The following CAMSAP1 variants were observed in gnomAD, a reference collection of about 807,000 sequenced individuals.
The protein encoded by CAMSAP1 is calmodulin-regulated spectrin-associated protein 1.
A neutral mutation model predicts 143.5 loss-of-function variants in CAMSAP1; 58 were observed. The ratio of observed to expected loss-of-function variants is 0.40; its 90% CI spans 0.33 to 0.50. The LOEUF is 0.50. Among genes scored for constraint, CAMSAP1 ranks in the 20% least tolerant of loss-of-function variants. The pLI is 0.45. For missense variants in CAMSAP1, 1,969 were observed against 2,115.7 expected, an observed-to-expected ratio of 0.93 and a Z score of 1.36; for synonymous variants, 945 against 859.3, an observed-to-expected ratio of 1.10 and a Z score of -1.74.
At chr9:135,900,082 G>C (rs1028886083) in intron 1 of CAMSAP1, among the ~76,000 whole-genome samples, 3 of 152,320 alleles carry the variant, frequency 2.0e-5, no homozygotes, top group African/African-American at 7.2e-5. Flanking sequence ...CCGAAGTGCA[G>C]TGTCACAATT....
Position 135,810,988 on chromosome 9 carries a change from T to C in CAMSAP1, c.*321A>G, listed in dbSNP as rs1452737335. On this transcript the variant is annotated 3_prime_UTR_variant, in exon 17 of 17. Coordinates refer to ENST00000389532, the MANE Select transcript of CAMSAP1 (RefSeq NM_015447.4). ...GAGAACTTCAAGTAAGGGAGCTCCG[T>C]GGCCCGGGACCTGGCTGTGAACACC... 1.3e-5 allele frequency: 5 copies of C among 370,740 alleles called. No homozygotes were observed. The Admixed American group carries it at 2.2e-4, about 16-fold the overall frequency. The allele number at this position is 370,740 out of a possible 1,614,324, so 23.0% of individuals were successfully genotyped here. A position where few individuals can be genotyped will look rare whatever the true frequency, so the allele number is the denominator to read the frequency against.
intron 1 of CAMSAP1, among the ~76,000 whole-genome samples, chr9:135,885,975 A>G (rs983811122): frequency 1.3e-5 from 2 of 152,168 alleles, no homozygotes; most frequent in Non-Finnish European, 2.9e-5. Flanking sequence ...TCCATGAGTA[A>G]CTGGCTTCAG....
intron 1 of CAMSAP1, 55 bp downstream of exon 1, chr9:135,906,945 C>T (rs1838802185): frequency 4.2e-6 from 4 of 950,992 alleles, no homozygotes; most frequent in Non-Finnish European, 5.0e-6. Context: ...CGGCCGCGTC[C>T]CCCGGCCCCG....
chr9:135,863,049 T>C (rs1023687383), intron 4 of CAMSAP1, among the ~76,000 whole-genome samples: 16 of 152,220 alleles, frequency 1.1e-4, no homozygotes, highest in African/African-American at 3.6e-4. Flanking sequence ...GTAATATCAC[T>C]AGCCTCAGTC....
chr9:135,833,078 C>A (rs910144448), intron 7 of CAMSAP1, among the ~76,000 whole-genome samples: 1 of 96,524 alleles, frequency 1.0e-5, no homozygotes, highest in Non-Finnish European at 2.0e-5. Context: ...CCACAGTAAT[C>A]TTTTTTTTTT....
intron 5 of CAMSAP1, among the ~76,000 whole-genome samples, chr9:135,856,010 C>T (rs1163762390): frequency 1.3e-5 from 2 of 151,964 alleles, no homozygotes; most frequent in Non-Finnish European, 2.9e-5. Flanking sequence ...CGAGATCGTA[C>T]CACTGCACTC....
At chr9:135,813,587 C>T (rs531781029) in intron 16 of CAMSAP1, among the ~76,000 whole-genome samples, 21 of 152,326 alleles carry the variant, frequency 1.4e-4, no homozygotes, top group East Asian at 7.7e-4. Flanking sequence ...GATAAGGAAG[C>T]GTGTGGTGCC....
intron 1 of CAMSAP1, among the ~76,000 whole-genome samples, chr9:135,892,848 C>CATAAAAAAAAAAAAA (rs1750776089): frequency 2.4e-5 from 1 of 42,078 alleles, no homozygotes; most frequent in Admixed American, 3.3e-4. Flanking sequence ...AAGACTGTCT[C>CATAAAAAAAAAAAAA]AAAAAAAAAA....
chr9:135,815,963 T>G lies in CAMSAP1; in HGVS notation c.4314A>C (p.Pro1438=). 6.2e-7 allele frequency: 1 copy of G among 1,613,816 alleles called. No homozygotes were observed. The highest frequency in any genetic ancestry group is 8.5e-7 in the Non-Finnish European group (1 of 1,179,880). Reference sequence around the variant, plus strand: ...CCCAGTCTCGGTCTGTGCTCCTGCTTGGGTTACGGCTCAGTATGGGCAGGG... The same window carrying G: ...CCCAGTCTCGGTCTGTGCTCCTGCTGGGGTTACGGCTCAGTATGGGCAGGG... ...MEALPILSRN[P]SRSTDRDWET... is the part of the protein sequence containing the mutation. Residue 1438 remains proline (P), a synonymous_variant, in exon 15 of 17, where the codon CCA becomes CCC. Coordinates refer to ENST00000389532, the MANE Select transcript of CAMSAP1 (RefSeq NM_015447.4).
At chr9:135,862,385 T>A (rs1215212742) in intron 5 of CAMSAP1, 82 bp downstream of exon 5, 50 of 1,317,862 alleles carry the variant, frequency 3.8e-5, no homozygotes, top group Non-Finnish European at 4.7e-5. Context: ...TTTTTTTTTT[T>A]AATATATATG....
Position 135,818,793 on chromosome 9 carries a change from C to A in CAMSAP1, c.3960-177G>T. 1 of 1,061,416 alleles carries A rather than the reference C, an allele frequency of 9.4e-7. No individual in the cohort carries two copies. Among genetic ancestry groups the A allele is most frequent in the Non-Finnish European group, 1.3e-6 (1 of 750,326 alleles). The allele number at this position is 1,061,416 out of a possible 1,614,324, so 65.7% of individuals were successfully genotyped here. A position where few individuals can be genotyped will look rare whatever the true frequency, so the allele number is the denominator to read the frequency against. ...CAAAGGCAGTCCTGCAGATGACCCA[C>A]CGAGGCCACACAGCCTCCCTGGCCA... On this transcript the variant is annotated intron_variant, in intron 12 of 16. Coordinates refer to ENST00000389532, the MANE Select transcript of CAMSAP1 (RefSeq NM_015447.4). This position sits in a 1 kb window ranked among gnomAD's most constrained non-coding sequence, Gnocchi z 7.7.
intron 1 of CAMSAP1, among the ~76,000 whole-genome samples, chr9:135,892,743 C>T (rs541542801): frequency 7.3e-4 from 107 of 147,484 alleles, no homozygotes; most frequent in African/African-American, 2.3e-3. Flanking sequence ...CCCAGCTATT[C>T]GGGAGGCTGA....
intron 16 of CAMSAP1, among the ~76,000 whole-genome samples, chr9:135,814,611 C>A (rs1267162908): frequency 1.3e-5 from 2 of 152,166 alleles, no homozygotes. Flanking sequence ...CTCTTCCCTC[C>A]CTCCCCACTC....
At chr9:135,891,783 T>A (rs1050216142) in intron 1 of CAMSAP1, among the ~76,000 whole-genome samples, 1 of 152,178 alleles carries the variant, frequency 6.6e-6, no homozygotes. Context: ...AAACAGCTAT[T>A]ATAAGTTCCA....
At chr9:135,892,217 T>C (rs1286413059) in intron 1 of CAMSAP1, among the ~76,000 whole-genome samples, 1 of 152,070 alleles carries the variant, frequency 6.6e-6, no homozygotes, top group African/African-American at 2.4e-5. Flanking sequence ...ACATGGTTCA[T>C]AATAAACTGC....
intron 7 of CAMSAP1, among the ~76,000 whole-genome samples, chr9:135,828,954 G>A (rs1035933166): frequency 2.6e-5 from 4 of 152,164 alleles, no homozygotes; most frequent in Non-Finnish European, 5.9e-5. Flanking sequence ...TTTATCTGGC[G>A]AAGCAATACT....
intron 1 of CAMSAP1, among the ~76,000 whole-genome samples, chr9:135,892,863 A>AAAAAAAAAAAAAAAAAAAAAAAAC: frequency 6.7e-6 from 1 of 148,530 alleles, no homozygotes; most frequent in Non-Finnish European, 1.5e-5. Flanking sequence ...AAAAAAAAAA[A>AAAAAAAAAAAAAAAAAAAAAAAAC]AAAAGAACTA....
intron 1 of CAMSAP1, among the ~76,000 whole-genome samples, chr9:135,892,416 A>T (rs1838316027): frequency 6.6e-6 from 1 of 152,194 alleles, no homozygotes; most frequent in South Asian, 2.1e-4. Context: ...GAAAAAGAAC[A>T]AAATAGGCTG....
chr9:135,811,240 T>C lies in CAMSAP1; in HGVS notation c.*69A>G. 2 of 1,510,940 alleles carry C rather than the reference T, an allele frequency of 1.3e-6. No individual in the cohort carries two copies. Among genetic ancestry groups the C allele is most frequent in the Admixed American group, 4.0e-5 (2 of 50,500 alleles). The allele number at this position is 1,510,940 out of a possible 1,614,324, so 93.6% of individuals were successfully genotyped here. A position where few individuals can be genotyped will look rare whatever the true frequency, so the allele number is the denominator to read the frequency against. The stretch of plus-strand genomic sequence containing the variant: ...AATAAATAAGGACCCCGTGGCACCC[T>C]CTGGATGCCAGCCACAAGGGCATCA... On this transcript the variant is annotated 3_prime_UTR_variant, in exon 17 of 17. Coordinates refer to ENST00000389532, the MANE Select transcript of CAMSAP1 (RefSeq NM_015447.4). The surrounding 1 kb of genome is among the most constrained non-coding windows in gnomAD (Gnocchi z 4.9).
Sources: gnomAD v4.1 joint callset for allele counts (sites outside exome capture counted in the v4.1 genomes callset) on GRCh38, gnomAD v4.1.1 for gene constraint, Gnocchi (gnomAD v3.1) non-coding constraint, MANE v1.5 for transcripts, NCBI Gene and HGNC (gene_info 2026-07-23, HGNC 2026-07-21) for gene names.